The following MIB1 variants were observed in gnomAD, a reference collection of about 807,000 sequenced individuals.
MIB1 encodes the protein E3 ubiquitin-protein ligase MIB1.
A neutral mutation model predicts 124.5 loss-of-function variants in MIB1; 278 were observed. The observed-to-expected ratio is 2.23, with a 90% CI of 2.02 to 2.47. The LOEUF (loss-of-function observed/expected upper bound fraction) is 2.47, where lower values mean the gene tolerates loss of function less well. Ranked by LOEUF, MIB1 falls within the 30% of genes most tolerant of loss-of-function variation. The pLI is 0.00. For missense variants in MIB1, 957 were observed against 1,254.4 expected (o/e 0.76, Z 3.58); for synonymous variants, 446 against 429.4 (o/e 1.04, Z -0.48).
At chr18:21,718,578 GA>G (rs2040700059) in intron 1 of MIB1, among the ~76,000 whole-genome samples, 1 of 152,160 alleles carries the variant, frequency 6.6e-6, no homozygotes, top group Non-Finnish European at 1.5e-5. Context: ...CATCAAGCAA[GA>G]ACTGCCCAGT....
upstream of MIB1, among the ~76,000 whole-genome samples, chr18:21,737,181 C>T (rs1464702299): frequency 6.6e-6 from 1 of 152,212 alleles, no homozygotes; most frequent in Non-Finnish European, 1.5e-5. Context: ...AACAGCGGAT[C>T]TCTCGGCAAA....
intron 20 of MIB1, among the ~76,000 whole-genome samples, chr18:21,862,027 A>G (rs1454736292): frequency 2.0e-5 from 3 of 151,856 alleles, no homozygotes; most frequent in African/African-American, 7.3e-5. Context: ...TCAGCCTCCC[A>G]AGTTGCTGGG....
chr18:21,858,299 A>T (rs1245431347), intron 19 of MIB1, among the ~76,000 whole-genome samples: 1 of 152,180 alleles, frequency 6.6e-6, no homozygotes, highest in Non-Finnish European at 1.5e-5. Context: ...CTGTGTCTGG[A>T]TTGTGCTCTG....
Position 21,784,195 on chromosome 18 carries a change from C to T in MIB1, c.908+4510C>T, listed in dbSNP as rs148843845. On this transcript the variant is annotated intron_variant, in intron 6 of 20. Coordinates refer to ENST00000261537, the MANE Select transcript of MIB1 (RefSeq NM_020774.4). The stretch of plus-strand genomic sequence containing the variant: ...TCCCGCGTAGCTGGGACTACAGGCG[C>T]GTGCCACCACACCCAGCTAGTTTTT... Among the ~76,000 whole-genome samples the T allele has an allele frequency of 2.3e-3, 349 of 151,988 alleles. 5 individuals carry two copies. Among genetic ancestry groups the T allele is most frequent in the African/African-American group, 7.1e-3 (295 of 41,454 alleles).
intron 4 of MIB1, 144 bp downstream of exon 4, chr18:21,773,872 T>G (rs2041250899): frequency 7.4e-6 from 4 of 538,956 alleles, no homozygotes; most frequent in Non-Finnish European, 3.2e-6. Flanking sequence ...TATTTAATAG[T>G]AAATATGATT....
At chr18:21,802,159 T>C (rs1444572983) in intron 9 of MIB1, among the ~76,000 whole-genome samples, 1 of 152,184 alleles carries the variant, frequency 6.6e-6, no homozygotes. Flanking sequence ...ATTCCTGATC[T>C]TACATGTACG....
intron 1 of MIB1, among the ~76,000 whole-genome samples, chr18:21,711,265 T>TTTTA (rs1350075408): frequency 6.6e-6 from 1 of 152,040 alleles, no homozygotes; most frequent in Non-Finnish European, 1.5e-5. Context: ...AGACCCCACA[T>TTTTA]TTTATTTATT....
chr18:21,734,669 C>G (rs548528669), intron 1 of MIB1, among the ~76,000 whole-genome samples: 1 of 143,108 alleles, frequency 7.0e-6, no homozygotes, highest in African/African-American at 2.7e-5. Context: ...GCTGGGACTA[C>G]AAGCGCATGC....
chr18:21,849,489 T>C (rs2042164004), intron 17 of MIB1, 101 bp downstream of exon 17: 3 of 590,154 alleles, frequency 5.1e-6, no homozygotes, highest in Non-Finnish European at 8.1e-6. Context: ...GTAATTTTGC[T>C]CTTCCAAACA....
chr18:21,746,465 G>A (rs1046671927), intron 1 of MIB1, among the ~76,000 whole-genome samples: 2 of 152,108 alleles, frequency 1.3e-5, no homozygotes, highest in African/African-American at 4.8e-5. Context: ...GATTCATTTG[G>A]CTCATTTGTA....
At chr18:21,724,727 A>AAAAAAAAAAT (rs1350936232) in intron 1 of MIB1, among the ~76,000 whole-genome samples, 1 of 17,370 alleles carries the variant, frequency 5.8e-5, no homozygotes, top group African/African-American at 1.8e-4. Context: ...AAAAAAAAAA[A>AAAAAAAAAAT]ATATATATAT....
intron 1 of MIB1, among the ~76,000 whole-genome samples, chr18:21,753,944 C>T (rs2041003120): frequency 6.6e-6 from 1 of 152,218 alleles, no homozygotes; most frequent in Non-Finnish European, 1.5e-5. Flanking sequence ...TCCCAAGGTG[C>T]TGGGATTACA....
In MIB1 at chr18:21,778,083, C is replaced by G; in HGVS notation, c.637-20C>G. Reference sequence around the variant, plus strand: ...ATTTGAAGTTTCATGGGTGATTTTTCTGGTTTCTTTTCTTCTTAGTCTGAT... The same window carrying G: ...ATTTGAAGTTTCATGGGTGATTTTTGTGGTTTCTTTTCTTCTTAGTCTGAT... On this transcript the variant is annotated intron_variant, in intron 4 of 20. Coordinates refer to ENST00000261537, the MANE Select transcript of MIB1 (RefSeq NM_020774.4). The G allele has an allele frequency of 6.3e-7, 1 of 1,593,526 alleles. No individual in the cohort carries two copies. Among genetic ancestry groups the G allele is most frequent in the Non-Finnish European group, 8.6e-7 (1 of 1,162,870 alleles).
At chr18:21,822,301 A>G (rs2041886034) in intron 12 of MIB1, among the ~76,000 whole-genome samples, 1 of 152,190 alleles carries the variant, frequency 6.6e-6, no homozygotes, top group African/African-American at 2.4e-5. Context: ...GAGTTGTTTC[A>G]TTTTTATTGA....
intron 1 of MIB1, among the ~76,000 whole-genome samples, chr18:21,713,864 G>T (rs1013091115): frequency 1.3e-5 from 2 of 151,482 alleles, no homozygotes; most frequent in African/African-American, 4.9e-5. Flanking sequence ...CTCCCAAAGT[G>T]CTGGGATGAC....
At position 21,815,585 on chromosome 18, in the gene MIB1, C is replaced by T. The variant is rs954032646; in HGVS notation, c.1480-31C>T. ...AAGGTTTTTTTCTTTCTAAAATATT[C>T]ACTAATTCACATTTCAATACTAATG... is the stretch of plus-strand genomic sequence containing the variant. On this transcript the variant is annotated intron_variant, in intron 10 of 20. Coordinates refer to ENST00000261537, the MANE Select transcript of MIB1 (RefSeq NM_020774.4). 4.5e-6 allele frequency: 7 copies of T among 1,560,252 alleles called. No individual in the cohort carries two copies. The Admixed American group carries it at 5.3e-5, about 12-fold the overall frequency.
chr18:21,778,229 A>G (rs1287406281), intron 5 of MIB1, 60 bp downstream of exon 5: 1 of 1,174,408 alleles, frequency 8.5e-7, no homozygotes, highest in African/African-American at 1.5e-5. Flanking sequence ...GGAATCAGTA[A>G]AATGCTTAAA....
At chr18:21,740,509 A>G (rs1488344152), upstream of MIB1, among the ~76,000 whole-genome samples, 3 of 152,268 alleles carry the variant, frequency 2.0e-5, no homozygotes, top group African/African-American at 7.2e-5. Context: ...AAGAATATGG[A>G]ATCCCTAATT....
At chr18:21,730,606 C>G (rs910973022) in intron 1 of MIB1, among the ~76,000 whole-genome samples, 1 of 152,170 alleles carries the variant, frequency 6.6e-6, no homozygotes, top group Non-Finnish European at 1.5e-5. Flanking sequence ...TGTTCTCTGT[C>G]TCAATGAATG....
Sources: gnomAD v4.1 joint callset for allele counts (sites outside exome capture counted in the v4.1 genomes callset) on GRCh38, gnomAD v4.1.1 for gene constraint, MANE v1.5 for transcripts, NCBI Gene and HGNC (gene_info 2026-07-23, HGNC 2026-07-21) for gene names.